Variants in PCED1B observed in about 807,000 individuals in gnomAD.
The protein encoded by PCED1B is PC-esterase domain-containing protein 1B.
For missense variants in PCED1B, 573 were observed against 573.9 expected (o/e 1.00, Z 0.02); for synonymous variants, 251 against 246.1 (o/e 1.02, Z -0.19).
intron 1 of PCED1B, among the ~76,000 whole-genome samples, chr12:47,098,479 A>G (rs1938570976): frequency 6.6e-6 from 1 of 152,140 alleles, no homozygotes; most frequent in Non-Finnish European, 1.5e-5. Flanking sequence ...AATATTATTT[A>G]TTAATTTATT....
chr12:47,215,256 CT>C (rs572530499), intron 2 of PCED1B, among the ~76,000 whole-genome samples: 20,109 of 143,712 alleles, frequency 0.14, 1,721 homozygotes, highest in Non-Finnish European at 0.21. Context: ...CTCCCCCACC[CT>C]TTTTTTTTTT....
chr12:47,098,146 C>T (rs1481368776), intron 1 of PCED1B, among the ~76,000 whole-genome samples: 1 of 152,194 alleles, frequency 6.6e-6, no homozygotes, highest in Non-Finnish European at 1.5e-5. Flanking sequence ...AAAGGACAGG[C>T]TTAAGTGGCC....
At chr12:47,133,174 G>A (rs879310278) in intron 2 of PCED1B, among the ~76,000 whole-genome samples, 61 of 151,936 alleles carry the variant, frequency 4.0e-4, no homozygotes, top group African/African-American at 1.5e-3. Flanking sequence ...TTGTAAATTT[G>A]TGCAAAACAA....
At chr12:47,084,136 C>T (rs1937869774) in intron 1 of PCED1B, among the ~76,000 whole-genome samples, 1 of 152,184 alleles carries the variant, frequency 6.6e-6, no homozygotes, top group Admixed American at 6.5e-5. Flanking sequence ...TACACCAAAT[C>T]TACTGAACAT....
At chr12:47,171,093 G>A (rs1419363814) in intron 2 of PCED1B, among the ~76,000 whole-genome samples, 1 of 139,600 alleles carries the variant, frequency 7.2e-6, no homozygotes, top group African/African-American at 2.7e-5. Context: ...TTGAGACGGA[G>A]TTTTGCTCTT....
intron 2 of PCED1B, among the ~76,000 whole-genome samples, chr12:47,133,284 G>T (rs532031143): frequency 6.8e-4 from 103 of 152,278 alleles, no homozygotes; most frequent in Admixed American, 3.8e-3. Context: ...CTGTGGTAGG[G>T]ATTGTACTCA....
chr12:47,118,702 A>C (rs1351003175), intron 2 of PCED1B, among the ~76,000 whole-genome samples: 1 of 152,100 alleles, frequency 6.6e-6, no homozygotes, highest in Non-Finnish European at 1.5e-5. Flanking sequence ...ATGAACTTTA[A>C]ATTAGTTTTT....
intron 2 of PCED1B, among the ~76,000 whole-genome samples, chr12:47,116,281 A>G (rs1441545748): frequency 6.6e-6 from 1 of 152,198 alleles, no homozygotes; most frequent in Non-Finnish European, 1.5e-5. Context: ...CTCACCAATA[A>G]TTATTTGTTC....
intron 1 of PCED1B, among the ~76,000 whole-genome samples, chr12:47,100,870 C>T (rs1273507391): frequency 6.6e-6 from 1 of 152,032 alleles, no homozygotes; most frequent in Non-Finnish European, 1.5e-5. Flanking sequence ...GAGTTCGAGA[C>T]CAGCCTGGCC....
At chr12:47,104,717 A>AT (rs1392134765) in intron 2 of PCED1B, among the ~76,000 whole-genome samples, 2 of 152,278 alleles carry the variant, frequency 1.3e-5, no homozygotes, top group African/African-American at 4.8e-5. Context: ...CTCTAAAAAG[A>AT]TTTTTTGGAG....
At chr12:47,116,763 A>G (rs532661928) in intron 2 of PCED1B, among the ~76,000 whole-genome samples, 1 of 152,304 alleles carries the variant, frequency 6.6e-6, no homozygotes, top group African/African-American at 2.4e-5. Flanking sequence ...TAAGTAGCAA[A>G]TAAAAAATAC....
chr12:47,146,211 T>G (rs1283214218), intron 2 of PCED1B, among the ~76,000 whole-genome samples: 1 of 152,224 alleles, frequency 6.6e-6, no homozygotes, highest in East Asian at 1.9e-4. Context: ...TGTGATTGAT[T>G]GCTGCAATCT....
chr12:47,087,512 A>G (rs1020526364), intron 1 of PCED1B, among the ~76,000 whole-genome samples: 2 of 152,100 alleles, frequency 1.3e-5, no homozygotes, highest in African/African-American at 4.8e-5. Flanking sequence ...TCCTGGCTAC[A>G]CTCCCAGAGC....
intron 2 of PCED1B, among the ~76,000 whole-genome samples, chr12:47,160,020 G>A (rs1941317459): frequency 1.3e-5 from 2 of 151,812 alleles, no homozygotes; most frequent in Non-Finnish European, 2.9e-5. Flanking sequence ...TATGTTTTTG[G>A]CACCTTTGTC....
In PCED1B at chr12:47,196,810, G is replaced by A. The variant is rs184408035; in HGVS notation, c.-525-19412G>A. On this transcript the variant is annotated intron_variant, in intron 2 of 3. Transcript: ENST00000546455. Reference sequence around the variant, plus strand: ...ACTGCACTCCAGCCTGGGCAAAAGAGCAAGACTCCATCTTAAAAATTAAAA... The same window carrying A: ...ACTGCACTCCAGCCTGGGCAAAAGAACAAGACTCCATCTTAAAAATTAAAA... Among the ~76,000 whole-genome samples, 280 of 151,898 alleles carry A rather than the reference G, an allele frequency of 1.8e-3. 6 individuals carry two copies. In the East Asian group the frequency reaches 0.03, roughly 16 times the overall value.
At chr12:47,192,486 A>T (rs1942475891) in intron 2 of PCED1B, among the ~76,000 whole-genome samples, 1 of 152,172 alleles carries the variant, frequency 6.6e-6, no homozygotes, top group Non-Finnish European at 1.5e-5. Context: ...TTCATTCAAA[A>T]CTTTCCTTTG....
At chr12:47,191,531 T>C (rs17097704) in intron 2 of PCED1B, among the ~76,000 whole-genome samples, 15,053 of 152,164 alleles carry the variant, frequency 0.099, 1,218 homozygotes, top group African/African-American at 0.22. Context: ...ACTCTCATCC[T>C]AGGCAAATTG....
In PCED1B at chr12:47,231,563, A is replaced by G. The variant is rs148678864; in HGVS notation, c.-57-3444A>G. On this transcript the variant is annotated intron_variant, in intron 3 of 3. Transcript: ENST00000546455. The stretch of plus-strand genomic sequence containing the variant: ...AGGAATTTTTATGGCTTGATAAGAA[A>G]GGGCAGATCTGGAGGCCCTTTCTGC... Among the ~76,000 whole-genome samples, 64 of 152,338 alleles carry G rather than the reference A, an allele frequency of 4.2e-4. No individual in the cohort carries two copies. In the East Asian group the frequency reaches 0.011, roughly 26 times the overall value.
At chr12:47,104,323 T>TG (rs898098429) in intron 2 of PCED1B, 128 bp downstream of exon 2, 1 of 152,224 alleles carries the variant, frequency 6.6e-6, no homozygotes, top group African/African-American at 2.4e-5. Context: ...CTGTGTGACT[T>TG]GGGGCAAAGC....
Sources: allele counts gnomAD v4.1 joint callset (sites outside exome capture counted in the v4.1 genomes callset), GRCh38; gene constraint gnomAD v4.1.1; transcripts MANE v1.5; gene names NCBI Gene and HGNC (gene_info 2026-07-23, HGNC 2026-07-21).